Variants in LVRN observed in about 807,000 individuals in gnomAD.
The protein encoded by LVRN is laeverin.
LVRN carries 99 observed loss-of-function variants against 111.4 expected under a neutral mutation model. That is an observed-to-expected ratio of 0.89 (90% CI 0.76 to 1.05). The LOEUF is 1.05. Among genes scored for constraint, LVRN ranks in the 50% least tolerant of loss-of-function variants. The probability of loss-of-function intolerance (pLI) is 0.00; values close to 1 mark genes in which losing one functional copy is unlikely to be tolerated. For synonymous variants in LVRN, 488 were observed against 449.5 expected (o/e 1.09, Z -1.08); for missense variants, 1,414 against 1,206.8 (o/e 1.17, Z -2.54).
Position 116,025,463 on chromosome 5 carries a change from A to C in LVRN, c.2833-515A>C, listed in dbSNP as rs574361207. 3.9e-5 allele frequency among the ~76,000 whole-genome samples: 6 copies of C among 152,308 alleles called. No individual in the cohort carries two copies. The South Asian group carries it at 1.2e-3, about 32-fold the overall frequency. On this transcript the variant is annotated intron_variant, in intron 19 of 19. Transcript: ENST00000357872. The stretch of plus-strand genomic sequence containing the variant: ...GAGTCTGACTTATACATAATATTGC[A>C]ACAAATGTTCTGATAACTGAATGCT...
At chr5:116,015,799 G>T in intron 18 of LVRN, 34 bp downstream of exon 18, 1 of 1,609,126 alleles carries the variant, frequency 6.2e-7, no homozygotes. Flanking sequence ...CTTTCATTTA[G>T]GCCACTGGTT....
intron 18 of LVRN, 109 bp downstream of exon 18, chr5:116,015,874 C>T (rs751534622): frequency 1.2e-4 from 162 of 1,350,156 alleles, no homozygotes; most frequent in Non-Finnish European, 1.5e-4. Flanking sequence ...AGGCCACAAA[C>T]GTCCTTTGCA....
chr5:116,027,564 G>C lies in LVRN; in HGVS notation c.*1446G>C, dbSNP rs574291711. On this transcript the variant is annotated 3_prime_UTR_variant, in exon 20 of 20. Coordinates refer to ENST00000357872, the MANE Select transcript of LVRN (RefSeq NM_173800.5). Reference sequence around the variant, plus strand: ...TCAGAGAATTTTTTCTTCAAATGTAGAAATGTAAATTTTCAGCAATAAAAT... The same window carrying C: ...TCAGAGAATTTTTTCTTCAAATGTACAAATGTAAATTTTCAGCAATAAAAT... 6.6e-6 allele frequency: 1 copy of C among 152,298 alleles called. No homozygotes were observed. The highest frequency in any genetic ancestry group is 1.9e-4 in the East Asian group (1 of 5,174). 9.4% of individuals were successfully genotyped at this position (152,298 alleles called of 1,614,324 possible).
intron 6 of LVRN, among the ~76,000 whole-genome samples, chr5:115,994,458 A>G (rs1370243593): frequency 3.3e-5 from 5 of 152,086 alleles, no homozygotes; most frequent in African/African-American, 1.2e-4. Context: ...TTGTTTGTAG[A>G]GACGGGGTTT....
chr5:115,991,504 C>T (rs1017341151), intron 4 of LVRN, among the ~76,000 whole-genome samples: 1 of 152,182 alleles, frequency 6.6e-6, no homozygotes, highest in African/African-American at 2.4e-5. Context: ...CTTCTATAAA[C>T]ATTTGTGTGC....
In LVRN at chr5:116,010,756, G is replaced by A. The variant is rs1475983744; in HGVS notation, c.2109G>A (p.Glu703=). 1 of 1,598,836 alleles carries A rather than the reference G, an allele frequency of 6.3e-7. No individual in the cohort carries two copies. Among genetic ancestry groups the A allele is most frequent in the Non-Finnish European group, 8.5e-7 (1 of 1,174,312 alleles). ...AFSLSKNNYI[E]IETALELTKY... ...AATCAAACAGAAACAATTATATTGA[G>A]ATTGAAACAGCACTTGAGTTAACCA... Residue 703 remains glutamate, a synonymous_variant, in exon 14 of 20, where the codon GAG becomes GAA. Coordinates refer to ENST00000357872, the MANE Select transcript of LVRN (RefSeq NM_173800.5).
intron 1 of LVRN, among the ~76,000 whole-genome samples, chr5:115,977,513 C>T (rs1273234175): frequency 6.6e-6 from 1 of 152,162 alleles, no homozygotes; most frequent in Admixed American, 6.5e-5. Flanking sequence ...CTATGTTACT[C>T]CCTGTGGTGG....
At position 116,015,249 on chromosome 5, in the gene LVRN, C is replaced by T; in HGVS notation, c.2451-3C>T. 2 of 1,568,010 alleles carry T rather than the reference C, an allele frequency of 1.3e-6. No individual in the cohort carries two copies. Among genetic ancestry groups the T allele is most frequent in the Non-Finnish European group, 1.7e-6 (2 of 1,159,222 alleles). On this transcript the variant is annotated splice_polypyrimidine_tract_variant and splice_region_variant and intron_variant, in intron 16 of 19. Coordinates refer to ENST00000357872, the MANE Select transcript of LVRN (RefSeq NM_173800.5). Reference sequence around the variant, plus strand: ...AAATATCATTTTATGTTATATTTTACAGAATACCTTATCCAATTAAAGATG... The same window carrying T: ...AAATATCATTTTATGTTATATTTTATAGAATACCTTATCCAATTAAAGATG...
chr5:115,970,532 G>A (rs1258941197), intron 1 of LVRN, among the ~76,000 whole-genome samples: 8 of 151,954 alleles, frequency 5.3e-5, no homozygotes, highest in East Asian at 3.9e-4. Flanking sequence ...ACAGGCACGC[G>A]CCACCACACC....
Position 115,996,673 on chromosome 5 carries a change from A to G in LVRN, c.1374+2819A>G, listed in dbSNP as rs562063176. Among the ~76,000 whole-genome samples the G allele has an allele frequency of 2.6e-5, 4 of 152,326 alleles. No individual in the cohort carries two copies. In the South Asian group the frequency reaches 8.3e-4, roughly 32 times the overall value. ...TGGATTATGCTCAAGGGGTCAGAAC[A>G]TTAGGGACGAAGGCTTTCTGGAACT... is the stretch of plus-strand genomic sequence containing the variant. On this transcript the variant is annotated intron_variant, in intron 6 of 19. Transcript: ENST00000357872.
At chr5:115,989,269 G>A (rs1747932035) in intron 4 of LVRN, among the ~76,000 whole-genome samples, 1 of 152,112 alleles carries the variant, frequency 6.6e-6, no homozygotes, top group Admixed American at 6.5e-5. Context: ...ACCTCTCAGG[G>A]CTTTTGGCAG....
At chr5:115,994,919 C>T (rs547537875) in intron 6 of LVRN, among the ~76,000 whole-genome samples, 27 of 152,102 alleles carry the variant, frequency 1.8e-4, no homozygotes, top group African/African-American at 2.4e-5. Flanking sequence ...CATCTTCTTC[C>T]CCTCCTCTCT....
intron 19 of LVRN, chr5:116,023,550 G>A (rs947290177): frequency 6.6e-6 from 1 of 152,194 alleles, no homozygotes; most frequent in African/African-American, 2.4e-5. Flanking sequence ...GTCTAACCAG[G>A]GTCCTGTGGC....
intron 10 of LVRN, 121 bp from the exon 11 acceptor site, chr5:116,002,714 T>C (rs1328343261): frequency 4.2e-6 from 3 of 706,514 alleles, no homozygotes; most frequent in African/African-American, 3.7e-5. Context: ...CCTGCATATC[T>C]AGAGAGAATG....
intron 6 of LVRN, 29 bp downstream of exon 6, chr5:115,993,883 A>G (rs1748048962): frequency 1.5e-6 from 2 of 1,348,406 alleles, no homozygotes; most frequent in African/African-American, 1.5e-5. Context: ...TTTATTTAAC[A>G]TTTTTCTCCT....
chr5:115,970,896 G>C (rs1753310665), intron 1 of LVRN, among the ~76,000 whole-genome samples: 1 of 152,076 alleles, frequency 6.6e-6, no homozygotes, highest in South Asian at 2.1e-4. Context: ...AGAGTGGAGT[G>C]GTTAGATCAT....
intron 1 of LVRN, among the ~76,000 whole-genome samples, chr5:115,982,122 T>A (rs1753572350): frequency 6.6e-6 from 1 of 152,192 alleles, no homozygotes; most frequent in Non-Finnish European, 1.5e-5. Context: ...CAAGAGCAAG[T>A]AAGCCAAAAC....
chr5:115,964,083 C>G (rs377477447), intron 1 of LVRN, among the ~76,000 whole-genome samples: 1 of 152,216 alleles, frequency 6.6e-6, no homozygotes, highest in African/African-American at 2.4e-5. Flanking sequence ...TGCCCCTGCA[C>G]AAGAATTGTC....
intron 13 of LVRN, among the ~76,000 whole-genome samples, chr5:116,009,170 G>A (rs1376678525): frequency 6.6e-6 from 1 of 152,060 alleles, no homozygotes; most frequent in Non-Finnish European, 1.5e-5. Context: ...CTTGTGCTCT[G>A]TAAGTGGAAA....
Sources: allele counts gnomAD v4.1 joint callset (sites outside exome capture counted in the v4.1 genomes callset), GRCh38; gene constraint gnomAD v4.1.1; transcripts MANE v1.5; gene names NCBI Gene and HGNC (gene_info 2026-07-23, HGNC 2026-07-21).